SDK1: variants seen among roughly 807,000 people sequenced by gnomAD.
SDK1 encodes the protein sidekick cell adhesion molecule 1.
A neutral mutation model predicts 245.5 loss-of-function variants in SDK1; 157 were observed. That is an observed-to-expected ratio of 0.64 (90% confidence interval 0.56 to 0.73). The LOEUF is 0.73. SDK1 is among the 30% of genes least tolerant of loss of function. The pLI is 0.00. For missense variants in SDK1, 3,583 were observed against 3,002.3 expected (o/e 1.19, Z -4.52); for synonymous variants, 1,647 against 1,278.5 (o/e 1.29, Z -6.15).
intron 13 of SDK1, among the ~76,000 whole-genome samples, chr7:3,980,156 A>G (rs1200326022): frequency 2.0e-5 from 3 of 152,334 alleles, no homozygotes; most frequent in East Asian, 3.9e-4. Context: ...ATGTAGAAAA[A>G]AAGTACTTAT....
intron 41 of SDK1, among the ~76,000 whole-genome samples, chr7:4,235,785 T>G (rs1181895573): frequency 6.6e-6 from 1 of 152,218 alleles, no homozygotes; most frequent in Non-Finnish European, 1.5e-5. Flanking sequence ...TGGACCGCAC[T>G]GAGCTCATCA....
At chr7:3,759,171 A>G (rs1020628118) in intron 4 of SDK1, among the ~76,000 whole-genome samples, 1 of 152,222 alleles carries the variant, frequency 6.6e-6, no homozygotes, top group Non-Finnish European at 1.5e-5. Flanking sequence ...TGCAATAATC[A>G]GTCAAATCAC....
intron 4 of SDK1, among the ~76,000 whole-genome samples, chr7:3,754,820 A>C (rs911151143): frequency 3.3e-5 from 5 of 152,216 alleles, no homozygotes; most frequent in Non-Finnish European, 7.4e-5. Context: ...TGATGGCGTT[A>C]GTTAGGGGAA....
At chr7:3,709,623 G>A (rs1050500706) in intron 4 of SDK1, among the ~76,000 whole-genome samples, 1 of 152,166 alleles carries the variant, frequency 6.6e-6, no homozygotes, top group African/African-American at 2.4e-5. Flanking sequence ...AAAGTTAATG[G>A]TGTGTCTCTG....
At chr7:3,459,141 G>A (rs932930125) in intron 1 of SDK1, among the ~76,000 whole-genome samples, 4 of 152,108 alleles carry the variant, frequency 2.6e-5, no homozygotes, top group Admixed American at 1.3e-4. Context: ...TATGATTTTT[G>A]TGTATTCTTT....
At chr7:3,393,749 C>G (rs1781821431) in intron 1 of SDK1, among the ~76,000 whole-genome samples, 1 of 151,922 alleles carries the variant, frequency 6.6e-6, no homozygotes, top group African/African-American at 2.4e-5. Context: ...TGAATTTTTT[C>G]TCTGTGTTTT....
chr7:4,115,463 A>G (rs183543132), intron 25 of SDK1, among the ~76,000 whole-genome samples: 9 of 152,308 alleles, frequency 5.9e-5, no homozygotes, highest in African/African-American at 1.9e-4. Context: ...CATTTTGCTT[A>G]TTGATGTCAA....
intron 1 of SDK1, among the ~76,000 whole-genome samples, chr7:3,460,651 TA>T (rs1403539178): frequency 6.6e-6 from 1 of 152,180 alleles, no homozygotes; most frequent in Non-Finnish European, 1.5e-5. Context: ...ATAGGTTCTA[TA>T]AAATAATCGG....
At chr7:3,466,587 A>G (rs1350162459) in intron 1 of SDK1, among the ~76,000 whole-genome samples, 2 of 150,986 alleles carry the variant, frequency 1.3e-5, no homozygotes, top group Non-Finnish European at 2.9e-5. Context: ...TTATCTCGAT[A>G]TGAGGATATC....
chr7:3,466,977 TCTACAC>T (rs1468829332), intron 1 of SDK1, among the ~76,000 whole-genome samples: 2 of 107,842 alleles, frequency 1.9e-5, no homozygotes, highest in Admixed American at 9.4e-5. Context: ...CCTCTCTCTC[TCTACAC>T]ACACACACAC....
chr7:4,145,521 C>A (rs939799620), intron 28 of SDK1, among the ~76,000 whole-genome samples: 1 of 152,122 alleles, frequency 6.6e-6, no homozygotes, highest in South Asian at 2.1e-4. Context: ...GAGCAGGAAA[C>A]AAGCTTCACA....
At chr7:3,699,100 G>A (rs1009764721) in intron 4 of SDK1, among the ~76,000 whole-genome samples, 2 of 152,164 alleles carry the variant, frequency 1.3e-5, no homozygotes, top group African/African-American at 4.8e-5. Context: ...GAAATGAAGG[G>A]CGGCACTTCT....
intron 1 of SDK1, among the ~76,000 whole-genome samples, chr7:3,340,255 A>G (rs1368382805): frequency 1.3e-5 from 2 of 152,124 alleles, no homozygotes; most frequent in African/African-American, 4.8e-5. Flanking sequence ...ATATGGCAAT[A>G]AAAGGAGTCA....
At chr7:3,835,458 G>A (rs908838068) in intron 5 of SDK1, among the ~76,000 whole-genome samples, 9 of 152,168 alleles carry the variant, frequency 5.9e-5, no homozygotes, top group African/African-American at 1.9e-4. Flanking sequence ...GCTTTACTAC[G>A]TTGCTGGACA....
chr7:4,120,478 G>A (rs946617927), intron 25 of SDK1, among the ~76,000 whole-genome samples: 4 of 148,972 alleles, frequency 2.7e-5, no homozygotes, highest in Non-Finnish European at 4.5e-5. Context: ...GGAGCTAAAA[G>A]CAAATAACTG....
chr7:3,380,141 C>T (rs890701506), intron 1 of SDK1, among the ~76,000 whole-genome samples: 1 of 152,018 alleles, frequency 6.6e-6, no homozygotes, highest in African/African-American at 2.4e-5. Context: ...TTTTTATAAT[C>T]AGAAAAAAAG....
At chr7:3,778,617 T>G (rs1324113448) in intron 4 of SDK1, among the ~76,000 whole-genome samples, 2 of 152,248 alleles carry the variant, frequency 1.3e-5, no homozygotes, top group Non-Finnish European at 2.9e-5. Flanking sequence ...GCGAAAGCAC[T>G]TCACGTATGC....
At chr7:3,631,421 A>C (rs892390783) in intron 2 of SDK1, among the ~76,000 whole-genome samples, 1 of 152,150 alleles carries the variant, frequency 6.6e-6, no homozygotes, top group South Asian at 2.1e-4. Flanking sequence ...GTCCATCTTG[A>C]TGTTCAGCTT....
intron 5 of SDK1, among the ~76,000 whole-genome samples, chr7:3,934,033 A>C (rs1347109857): frequency 6.6e-6 from 1 of 152,200 alleles, no homozygotes; most frequent in African/African-American, 2.4e-5. Flanking sequence ...GGGGGCATTC[A>C]CCAGCCGCAC....
Sources: gnomAD v4.1 joint callset for allele counts (sites outside exome capture counted in the v4.1 genomes callset) on GRCh38, gnomAD v4.1.1 for gene constraint, MANE v1.5 for transcripts, NCBI Gene and HGNC (gene_info 2026-07-23, HGNC 2026-07-21) for gene names.